Variants in SH3PXD2A observed in about 807,000 individuals in gnomAD.
The protein encoded by SH3PXD2A is SH3 and PX domains 2A.
A neutral mutation model predicts 115.2 loss-of-function variants in SH3PXD2A; 32 were observed. That is an observed-to-expected ratio of 0.28 (90% CI 0.21 to 0.37). SH3PXD2A has a LOEUF of 0.37. SH3PXD2A is among the 10% of genes least tolerant of loss of function. The pLI is 1.00. For missense variants in SH3PXD2A, 1,328 were observed against 1,498.7 expected (o/e 0.89, Z 1.88); for synonymous variants, 610 against 629.1 (o/e 0.97, Z 0.45).
intron 1 of SH3PXD2A, among the ~76,000 whole-genome samples, chr10:103,841,202 A>G (rs1192130257): frequency 2.6e-5 from 4 of 152,230 alleles, no homozygotes; most frequent in Admixed American, 2.0e-4. Context: ...TCCAGGACGC[A>G]CCATGATCCA....
In SH3PXD2A at chr10:103,627,875, T is replaced by A. The variant is rs2036721728; in HGVS notation, c.605-673A>T. ...ACTCCACTAACTGCCTTTGGTCCCT[T>A]CCGAGAAGGTCCTCTTCACACGGTC... On this transcript the variant is annotated intron_variant, in intron 8 of 14. Coordinates refer to ENST00000369774, the MANE Select transcript of SH3PXD2A (RefSeq NM_001394015.1). This position sits in a 1 kb window ranked among gnomAD's most constrained non-coding sequence, Gnocchi z 4.4. Among the ~76,000 whole-genome samples, 1 of 152,228 alleles carries A rather than the reference T, an allele frequency of 6.6e-6. No individual in the cohort carries two copies. Among genetic ancestry groups the A allele is most frequent in the Non-Finnish European group, 1.5e-5 (1 of 68,048 alleles).
Position 103,724,351 on chromosome 10 carries a change from C to A in SH3PXD2A, c.317G>T (p.Arg106Leu). Residue 106 changes from arginine (R) to leucine (L), a missense_variant, in exon 5 of 15, where the codon CGG (arginine) becomes CTG (leucine). Coordinates refer to ENST00000369774, the MANE Select transcript of SH3PXD2A (RefSeq NM_001394015.1). ...ACACTGTGAGATGTGGGGGGGCAGCCGGACAAGTGCCTGTGGAGAGACAGG... is the reference window on the plus strand; with the variant it reads ...ACACTGTGAGATGTGGGGGGGCAGCAGGACAAGTGCCTGTGGAGAGACAGG... ...PIDEYCRALV[R>L]LPPHISQCDE... 1 of 1,577,026 alleles carries A rather than the reference C, an allele frequency of 6.3e-7. No individual in the cohort carries two copies. Among genetic ancestry groups the A allele is most frequent in the Non-Finnish European group, 8.6e-7 (1 of 1,164,916 alleles).
chr10:103,698,480 C>T (rs143691294), intron 5 of SH3PXD2A, among the ~76,000 whole-genome samples: 3 of 152,352 alleles, frequency 2.0e-5, no homozygotes, highest in Non-Finnish European at 2.9e-5. Context: ...GGGAACTGCT[C>T]AAGAGGCCGG....
At chr10:103,678,055 T>C in intron 6 of SH3PXD2A, 1 of 1,193,294 alleles carries the variant, frequency 8.4e-7, no homozygotes. Context: ...TTTAATGCCC[T>C]TCAAAGAGAT....
intron 4 of SH3PXD2A, among the ~76,000 whole-genome samples, chr10:103,732,120 C>T (rs1589433566): frequency 6.6e-6 from 1 of 152,198 alleles, no homozygotes; most frequent in Non-Finnish European, 1.5e-5. Context: ...GGGTGAGTTG[C>T]TCATTCTCAA....
intron 8 of SH3PXD2A, among the ~76,000 whole-genome samples, chr10:103,658,093 G>T (rs772166738): frequency 6.6e-5 from 10 of 152,278 alleles, no homozygotes; most frequent in African/African-American, 9.6e-5. Context: ...AATGATGTAT[G>T]TGAAGCATGT....
chr10:103,803,200 A>G (rs1435069137), intron 1 of SH3PXD2A, among the ~76,000 whole-genome samples: 1 of 152,216 alleles, frequency 6.6e-6, no homozygotes, highest in Non-Finnish European at 1.5e-5. Context: ...AAGCCAAAGC[A>G]AACAGGTCTG....
intron 2 of SH3PXD2A, among the ~76,000 whole-genome samples, chr10:103,799,624 A>T (rs1008474096): frequency 6.6e-6 from 1 of 152,216 alleles, no homozygotes; most frequent in South Asian, 2.1e-4. Flanking sequence ...GTGGGGGACC[A>T]TAAGGGAAGA....
At chr10:103,609,029 A>G (rs1434642568) in intron 13 of SH3PXD2A, 1 of 151,936 alleles carries the variant, frequency 6.6e-6, no homozygotes, top group African/African-American at 2.4e-5. Flanking sequence ...GGTGTTATGC[A>G]CCTGTGGTCC....
chr10:103,714,118 G>A (rs1318256852), intron 5 of SH3PXD2A, among the ~76,000 whole-genome samples: 1 of 152,224 alleles, frequency 6.6e-6, no homozygotes, highest in Non-Finnish European at 1.5e-5. Context: ...ATGGAGGGTA[G>A]TGATAACCAC....
In SH3PXD2A at chr10:103,801,570, C is replaced by CA. The variant is rs3221859; in HGVS notation, c.73-209_73-208insT. ...ACACACACACACACACACACACATA[C>CA]CCCTAGAGGGATATTTCATCAAATG... On this transcript the variant is annotated intron_variant, in intron 1 of 14. Transcript: ENST00000369774. 4.6e-5 allele frequency among the ~76,000 whole-genome samples: 7 copies of CA among 150,972 alleles called. No individual in the cohort carries two copies. The East Asian group carries it at 5.9e-4, about 13-fold the overall frequency.
chr10:103,699,832 G>T (rs939665986), intron 5 of SH3PXD2A, among the ~76,000 whole-genome samples: 6 of 152,224 alleles, frequency 3.9e-5, no homozygotes, highest in African/African-American at 1.2e-4. Flanking sequence ...GTTTTCCAGG[G>T]TTCTGAGAAT....
chr10:103,635,205 G>C (rs572115728), intron 8 of SH3PXD2A, among the ~76,000 whole-genome samples: 1 of 152,356 alleles, frequency 6.6e-6, no homozygotes, highest in African/African-American at 2.4e-5. Flanking sequence ...TCTGTGCCCA[G>C]GTTCGGGGCA....
chr10:103,685,276 T>C (rs1488136171), intron 6 of SH3PXD2A, among the ~76,000 whole-genome samples: 2 of 144,510 alleles, frequency 1.4e-5, no homozygotes, highest in African/African-American at 2.6e-5. Flanking sequence ...GAGGTGGAGG[T>C]TGCAGTGAGC....
intron 5 of SH3PXD2A, among the ~76,000 whole-genome samples, chr10:103,704,308 G>T (rs912994125): frequency 7.9e-5 from 12 of 152,210 alleles, no homozygotes; most frequent in African/African-American, 2.9e-4. Flanking sequence ...AGGGACACGG[G>T]CCTGGCTGGC....
At chr10:103,774,712 T>A (rs2038861722) in intron 2 of SH3PXD2A, among the ~76,000 whole-genome samples, 1 of 152,234 alleles carries the variant, frequency 6.6e-6, no homozygotes, top group Non-Finnish European at 1.5e-5. Context: ...CAAACTTACG[T>A]AGGCAGAGTT....
At chr10:103,699,151 G>A (rs894912515) in intron 5 of SH3PXD2A, among the ~76,000 whole-genome samples, 3 of 152,164 alleles carry the variant, frequency 2.0e-5, no homozygotes, top group Admixed American at 1.3e-4. Flanking sequence ...GTCCAGTGCT[G>A]AATGTCCACA....
rs986787011 is a variant in SH3PXD2A, at chr10:103,627,987, A to G, written c.605-785T>C. The stretch of plus-strand genomic sequence containing the variant: ...TGATTCTCTTTTCTGCTCATGGCCC[A>G]GTTCTCCATTTCCTGTCTGGAGAGC... On this transcript the variant is annotated intron_variant, in intron 8 of 14. Coordinates refer to ENST00000369774, the MANE Select transcript of SH3PXD2A (RefSeq NM_001394015.1). The surrounding 1 kb of genome is among the most constrained non-coding windows in gnomAD (Gnocchi z 4.4). Among the ~76,000 whole-genome samples, 7 of 152,160 alleles carry G rather than the reference A, an allele frequency of 4.6e-5. No individual in the cohort carries two copies. The highest frequency in any genetic ancestry group is 1.7e-4 in the African/African-American group (7 of 41,438).
chr10:103,619,661 G>A (rs570776982), intron 10 of SH3PXD2A, among the ~76,000 whole-genome samples: 7 of 152,266 alleles, frequency 4.6e-5, no homozygotes, highest in East Asian at 1.9e-4. Context: ...ACAGAATCCC[G>A]TGGGCCATGT....
Sources: allele counts gnomAD v4.1 joint callset (sites outside exome capture counted in the v4.1 genomes callset), GRCh38; gene constraint gnomAD v4.1.1; non-coding constraint Gnocchi (gnomAD v3.1); transcripts MANE v1.5; gene names NCBI Gene and HGNC (gene_info 2026-07-23, HGNC 2026-07-21).